The following GLMN variants were observed in gnomAD, a reference collection of about 807,000 sequenced individuals.
GLMN encodes glomulin.
A neutral mutation model predicts 87.8 loss-of-function variants in GLMN; 75 were observed. The ratio of observed to expected loss-of-function variants is 0.85; its 90% CI spans 0.71 to 1.04. GLMN has a LOEUF of 1.04. Ranked by LOEUF, GLMN falls within the 50% of genes least tolerant of loss-of-function variation. The pLI, the probability that GLMN is intolerant of heterozygous loss-of-function variation, is 0.00. For missense variants in GLMN, 588 were observed against 658.8 expected (o/e 0.89, Z 1.18); for synonymous variants, 206 against 221.6 (o/e 0.93, Z 0.63).
In GLMN at chr1:92,250,821, A is replaced by G. The variant is rs553443486; in HGVS notation, c.1474-2832T>C. Among the ~76,000 whole-genome samples the G allele has an allele frequency of 1.4e-4, 22 of 152,234 alleles. 1 individual carries two copies. The South Asian group carries it at 3.7e-3, about 26-fold the overall frequency. ...GTTCTTTTCTTTTTATTATTTTTCA[A>G]AGTCAGGTTTGTTGAGATATTGTTT... On this transcript the variant is annotated intron_variant, in intron 16 of 18. Transcript: ENST00000370360.
the GLMN span, among the ~76,000 whole-genome samples, chr1:92,341,554 C>G: frequency 6.6e-6 from 1 of 152,152 alleles, no homozygotes; most frequent in African/African-American, 2.4e-5. Flanking sequence ...AGTGATAATA[C>G]AGCAGACACT....
At chr1:92,303,589 TTTA>T (rs1338578557), upstream of GLMN, among the ~76,000 whole-genome samples, 1 of 152,108 alleles carries the variant, frequency 6.6e-6, no homozygotes, top group Non-Finnish European at 1.5e-5. Context: ...AAAATTATAT[TTTA>T]TTATTTTGTG....
chr1:92,251,659 T>G (rs1049158112), intron 16 of GLMN, among the ~76,000 whole-genome samples: 2 of 152,310 alleles, frequency 1.3e-5, no homozygotes, highest in South Asian at 2.1e-4. Flanking sequence ...ACTGGAATAT[T>G]TGCAAAAATA....
chr1:92,282,281 A>G (rs1648154130), intron 7 of GLMN, among the ~76,000 whole-genome samples: 1 of 152,252 alleles, frequency 6.6e-6, no homozygotes, highest in Non-Finnish European at 1.5e-5. Flanking sequence ...TGTATCTCAG[A>G]CCACAGTGCA....
Position 92,247,985 on chromosome 1 carries a change from C to A in GLMN, c.1478G>T (p.Gly493Val). The change falls in exon 17 of 19, where the codon GGA becomes GTA. Residue 493 changes from glycine to valine, a missense_variant. Gly to Val is a moderately radical substitution (Grantham distance 109). Coordinates refer to ENST00000370360, the MANE Select transcript of GLMN (RefSeq NM_053274.3). ...AATATTTCCAAGTTCTGTCCATAATCCAGTCTGTTAAGAATGAAAGAATGA... is the reference window on the plus strand; with the variant it reads ...AATATTTCCAAGTTCTGTCCATAATACAGTCTGTTAAGAATGAAAGAATGA... ...IKDNENDNQT[G>V]LWTELGNIEN... 1 of 1,173,378 alleles carries A rather than the reference C, an allele frequency of 8.5e-7. No homozygotes were observed. Among genetic ancestry groups the A allele is most frequent in the Non-Finnish European group, 1.3e-6 (1 of 779,954 alleles). 72.7% of individuals were successfully genotyped at this position (1,173,378 alleles called of 1,614,324 possible). A position where few individuals can be genotyped will look rare whatever the true frequency, so the allele number is the denominator to read the frequency against.
chr1:92,342,391 A>G, the GLMN span, among the ~76,000 whole-genome samples: 2 of 152,216 alleles, frequency 1.3e-5, no homozygotes, highest in African/African-American at 4.8e-5. Context: ...AGGCAAGAGT[A>G]GAGAGATATG....
At chr1:92,293,911 T>G (rs1649724479) in intron 3 of GLMN, among the ~76,000 whole-genome samples, 1 of 150,270 alleles carries the variant, frequency 6.7e-6, no homozygotes, top group Non-Finnish European at 1.5e-5. Context: ...CCAAAACAAC[T>G]GAACTCACGG....
At chr1:92,331,440 T>C in the GLMN span, among the ~76,000 whole-genome samples, 1 of 152,198 alleles carries the variant, frequency 6.6e-6, no homozygotes, top group African/African-American at 2.4e-5. Context: ...TTCTTTTGCA[T>C]TGAATCATTA....
the GLMN span, among the ~76,000 whole-genome samples, chr1:92,347,182 TATC>T: frequency 6.6e-6 from 1 of 152,240 alleles, no homozygotes; most frequent in African/African-American, 2.4e-5. Flanking sequence ...ATAAATTTTT[TATC>T]AACCATAAGA....
chr1:92,290,427 T>C (rs539165210), intron 4 of GLMN, 121 bp from the exon 5 acceptor site: 2 of 674,346 alleles, frequency 3.0e-6, no homozygotes, highest in South Asian at 3.3e-5. Context: ...TGCTTAACAT[T>C]AAAATTATTT....
rs145401012 is a variant in GLMN at position 92,298,948 on chromosome 1, A to C, written c.-54T>G. ...ACCGGCCAGAACCCTCGCCTCTCCC[A>C]GCCGCCGCCACCTCCTCCGGCGTCT... On this transcript the variant is annotated 5_prime_UTR_variant, in exon 1 of 19. Transcript: ENST00000370360. The C allele has an allele frequency of 2.7e-3, 1,321 of 492,154 alleles. 18 individuals carry two copies. Among genetic ancestry groups the C allele is most frequent in the African/African-American group, 0.024 (1,212 of 49,650 alleles). 30.5% of individuals were successfully genotyped at this position (492,154 alleles called of 1,614,324 possible).
At chr1:92,250,898 G>GATAT (rs925641312) in intron 16 of GLMN, among the ~76,000 whole-genome samples, 1 of 152,084 alleles carries the variant, frequency 6.6e-6, no homozygotes, top group Non-Finnish European at 1.5e-5. Context: ...CTTTGACAAA[G>GATAT]ATATATAGTG....
the GLMN span, chr1:92,324,527 C>T: frequency 3.2e-6 from 2 of 633,288 alleles, no homozygotes; most frequent in Non-Finnish European, 5.4e-6. Context: ...ACAGTGCCAT[C>T]TCCACTGTTG....
intron 3 of GLMN, among the ~76,000 whole-genome samples, chr1:92,294,423 A>G (rs1357241756): frequency 6.6e-6 from 1 of 152,212 alleles, no homozygotes; most frequent in Admixed American, 6.5e-5. Flanking sequence ...TGAAACCATG[A>G]ATAGTACCAA....
intron 13 of GLMN, among the ~76,000 whole-genome samples, chr1:92,266,047 A>T (rs1655598709): frequency 6.6e-6 from 1 of 152,232 alleles, no homozygotes; most frequent in South Asian, 2.1e-4. Flanking sequence ...ATAGCCTATC[A>T]AAGTTGTAAT....
At chr1:92,368,490 C>CTCTT in the GLMN span, among the ~76,000 whole-genome samples, 1 of 152,188 alleles carries the variant, frequency 6.6e-6, no homozygotes, top group Non-Finnish European at 1.5e-5. Flanking sequence ...ACAACTTTAA[C>CTCTT]TCTTTATATA....
chr1:92,266,639 ATTAT>A lies in GLMN; in HGVS notation c.1140+57_1140+60del, dbSNP rs781146728. ...TTAAAATTTTTAAAAAGAAAATTAA[ATTAT>A]TTGTCAAATTTTCTCACTGTAACTC... On this transcript the variant is annotated intron_variant, in intron 12 of 18. Transcript: ENST00000370360. 6 of 1,316,100 alleles carry A rather than the reference ATTAT, an allele frequency of 4.6e-6. No homozygotes were observed. The East Asian group carries it at 7.0e-5, about 15-fold the overall frequency. The allele number at this position is 1,316,100 out of a possible 1,614,324, so 81.5% of individuals were successfully genotyped here. A position where few individuals can be genotyped will look rare whatever the true frequency, so the allele number is the denominator to read the frequency against.
At chr1:92,300,530 G>T (rs995415700), upstream of GLMN, among the ~76,000 whole-genome samples, 4 of 152,100 alleles carry the variant, frequency 2.6e-5, no homozygotes, top group Non-Finnish European at 5.9e-5. Context: ...TGCTTTATAT[G>T]CCAGAGACTC....
At chr1:92,344,291 G>C in the GLMN span, among the ~76,000 whole-genome samples, 1 of 152,102 alleles carries the variant, frequency 6.6e-6, no homozygotes, top group South Asian at 2.1e-4. Flanking sequence ...TGTAATCCCA[G>C]CTGCTTGGGA....
Sources: allele counts gnomAD v4.1 joint callset (sites outside exome capture counted in the v4.1 genomes callset), GRCh38; gene constraint gnomAD v4.1.1; transcripts MANE v1.5; gene names NCBI Gene and HGNC (gene_info 2026-07-23, HGNC 2026-07-21).